Variants in WIPI2 observed in about 807,000 individuals in gnomAD.
The protein encoded by WIPI2 is WD repeat domain, phosphoinositide interacting 2.
A neutral mutation model predicts 52.3 loss-of-function variants in WIPI2; 28 were observed. The observed-to-expected ratio is 0.54, with a 90% CI of 0.40 to 0.73. The LOEUF is 0.73. WIPI2 is among the 30% of genes least tolerant of loss of function. The probability of loss-of-function intolerance (pLI) is 0.00; values close to 1 mark genes in which losing one functional copy is unlikely to be tolerated. For synonymous variants in WIPI2, 268 were observed against 245.0 expected (o/e 1.09, Z -0.88); for missense variants, 506 against 602.9 (o/e 0.84, Z 1.68).
intron 7 of WIPI2, chr7:5,218,282 A>G: frequency 2.6e-6 from 1 of 378,388 alleles, no homozygotes; most frequent in East Asian, 5.0e-5. Flanking sequence ...GTGTGTAACC[A>G]CACCGCTCAC....
intron 7 of WIPI2, 115 bp downstream of exon 7, chr7:5,218,129 A>G (rs1782917569): frequency 4.7e-6 from 5 of 1,073,530 alleles, no homozygotes; most frequent in Non-Finnish European, 7.0e-6. Flanking sequence ...CTCCGGGAGA[A>G]GCAAAGACAG....
chr7:5,228,272 C>G, intron 11 of WIPI2, 61 bp downstream of exon 11: 1 of 1,441,874 alleles, frequency 6.9e-7, no homozygotes, highest in Non-Finnish European at 9.3e-7. Flanking sequence ...TTTCGGGGCA[C>G]CTGGCGAACG....
chr7:5,225,738 C>G, intron 8 of WIPI2, 85 bp from the exon 9 acceptor site: 1 of 924,094 alleles, frequency 1.1e-6, no homozygotes, highest in South Asian at 1.4e-5. Flanking sequence ...GTGCCCGTGA[C>G]AGGAACTCTT....
Position 5,230,011 on chromosome 7 carries a change from G to C in WIPI2, c.1252+273G>C, listed in dbSNP as rs28411908. 4.6e-3 allele frequency among the ~76,000 whole-genome samples: 690 copies of C among 149,944 alleles called. 10 individuals carry two copies. The highest frequency in any genetic ancestry group is 0.016 in the African/African-American group (646 of 40,752). On this transcript the variant is annotated intron_variant, in intron 12 of 12. Transcript: ENST00000288828. The surrounding 1 kb of genome is among the most constrained non-coding windows in gnomAD (Gnocchi z 4.8). ...TCTCAAACTCCTCCTGGGCTCAAGT[G>C]ATTCTCCCGCCTCAGCCTCCCACAG...
At chr7:5,214,967 C>T (rs1562398144) in intron 4 of WIPI2, among the ~76,000 whole-genome samples, 1 of 152,224 alleles carries the variant, frequency 6.6e-6, no homozygotes, top group Non-Finnish European at 1.5e-5. Context: ...GGGTGGATGG[C>T]AGTCTCTTTC....
intron 7 of WIPI2, among the ~76,000 whole-genome samples, chr7:5,220,044 C>T (rs1482750053): frequency 6.6e-6 from 1 of 152,000 alleles, no homozygotes; most frequent in Non-Finnish European, 1.5e-5. Context: ...CCCTGTTGGC[C>T]AGGCTGGTTT....
chr7:5,229,578 C>A (rs369736104), intron 11 of WIPI2, 30 bp from the exon 12 acceptor site: 1 of 1,604,654 alleles, frequency 6.2e-7, no homozygotes, highest in African/African-American at 1.3e-5. Context: ...TGTGTGGAGA[C>A]GCTGAGCTGT....
At chr7:5,217,465 A>T (rs1028553007) in intron 6 of WIPI2, 6 of 424,496 alleles carry the variant, frequency 1.4e-5, no homozygotes, top group Non-Finnish European at 2.6e-5. Flanking sequence ...CACCCAGCTA[A>T]TTTTTTATTT....
intron 8 of WIPI2, among the ~76,000 whole-genome samples, chr7:5,223,363 G>C (rs1280972968): frequency 3.3e-5 from 5 of 152,206 alleles, no homozygotes; most frequent in Non-Finnish European, 4.4e-5. Flanking sequence ...CCCTGAAGGT[G>C]GCTGTTGAAA....
At position 5,227,975 on chromosome 7, in the gene WIPI2, C is replaced by G; in HGVS notation, c.1014-129C>G. On this transcript the variant is annotated intron_variant, in intron 10 of 12. Coordinates refer to ENST00000288828, the MANE Select transcript of WIPI2 (RefSeq NM_015610.4). This position sits in a 1 kb window ranked among gnomAD's most constrained non-coding sequence, Gnocchi z 8.1. ...GAGCCGAGGTCAGTGGGGCGCCAGA[C>G]ACCTGCAGCTGCCCTTGTGCTCATC... is the stretch of plus-strand genomic sequence containing the variant. 2.4e-6 allele frequency: 2 copies of G among 843,448 alleles called. No homozygotes were observed. The highest frequency in any genetic ancestry group is 3.9e-6 in the Non-Finnish European group (2 of 512,612). The allele number at this position is 843,448 out of a possible 1,614,324, so 52.2% of individuals were successfully genotyped here.
intron 10 of WIPI2, 31 bp from the exon 11 acceptor site, chr7:5,228,070 TGTC>T: frequency 6.2e-7 from 1 of 1,603,274 alleles, no homozygotes. Context: ...CTGTGACAGT[TGTC>T]TAGAATTTGG....
At chr7:5,215,707 T>C (rs1329839768) in intron 4 of WIPI2, among the ~76,000 whole-genome samples, 3 of 152,254 alleles carry the variant, frequency 2.0e-5, no homozygotes, top group Non-Finnish European at 2.9e-5. Context: ...TTAACTGACA[T>C]AGTTGGTTAG....
chr7:5,202,715 C>T (rs978621620), intron 3 of WIPI2, among the ~76,000 whole-genome samples: 5 of 152,154 alleles, frequency 3.3e-5, no homozygotes, highest in Non-Finnish European at 7.3e-5. Context: ...GGATTACAGG[C>T]GTGAGCCACC....
At chr7:5,217,841 G>A in intron 6 of WIPI2, 81 bp from the exon 7 acceptor site, 2 of 1,351,866 alleles carry the variant, frequency 1.5e-6, no homozygotes, top group South Asian at 2.3e-5. Flanking sequence ...CAGCTAATTG[G>A]CACTTGCGGA....
Position 5,228,137 on chromosome 7 carries a change from C to A in WIPI2, c.1047C>A (p.Ala349=), listed in dbSNP as rs370203858. The A allele has an allele frequency of 6.2e-7, 1 of 1,613,892 alleles. No homozygotes were observed. Among genetic ancestry groups the A allele is most frequent in the African/African-American group, 1.3e-5 (1 of 75,044 alleles). The change falls in exon 11 of 13, where the codon GCC becomes GCA. Residue 349 remains alanine (A), a synonymous_variant. Transcript: ENST00000288828. ...IQKIPRLLVG[A]ADGYLYMYNL... ...AGATCCCGCGGTTGTTGGTGGGTGC[C>A]GCCGACGGGTACCTGTACATGTACA...
At chr7:5,222,514 G>A (rs571189469) in intron 7 of WIPI2, 88 bp from the exon 8 acceptor site, 50 of 1,347,070 alleles carry the variant, frequency 3.7e-5, no homozygotes, top group South Asian at 2.6e-4. Context: ...GGAGATAGCC[G>A]TGTGGCGCAT....
In WIPI2 at chr7:5,198,969, CTTA is replaced by C. The variant is rs1435221589; in HGVS notation, c.129-602_129-600del. On this transcript the variant is annotated intron_variant, in intron 2 of 12. Transcript: ENST00000288828. Reference sequence around the variant, plus strand: ...TCAGCAAATTTCAAGCACACAATACCTTATTATCAACTACAGTTACTATCCTGT... The same window carrying C: ...TCAGCAAATTTCAAGCACACAATACCTTATCAACTACAGTTACTATCCTGT... 2.6e-5 allele frequency among the ~76,000 whole-genome samples: 4 copies of C among 152,278 alleles called. No homozygotes were observed. The East Asian group carries it at 5.8e-4, about 22-fold the overall frequency.
chr7:5,220,848 C>T (rs901489870), intron 7 of WIPI2, among the ~76,000 whole-genome samples: 3 of 151,884 alleles, frequency 2.0e-5, no homozygotes, highest in Non-Finnish European at 4.4e-5. Context: ...AGCTGGAGTG[C>T]AATGGCGCGA....
intron 1 of WIPI2, among the ~76,000 whole-genome samples, chr7:5,192,622 G>T (rs2115189074): frequency 6.6e-6 from 1 of 152,296 alleles, no homozygotes; most frequent in Non-Finnish European, 1.5e-5. Context: ...ACTTTGACTT[G>T]CCAGAGAGAC....
Sources: allele counts gnomAD v4.1 joint callset (sites outside exome capture counted in the v4.1 genomes callset), GRCh38; gene constraint gnomAD v4.1.1; non-coding constraint Gnocchi (gnomAD v3.1); transcripts MANE v1.5; gene names NCBI Gene and HGNC (gene_info 2026-07-23, HGNC 2026-07-21).